SMYD1: variants seen among roughly 807,000 people sequenced by gnomAD.
The protein encoded by SMYD1 is SET and MYND domain containing 1, also known as histone-lysine N-methyltransferase SMYD1.
A neutral mutation model predicts 54.0 loss-of-function variants in SMYD1; 49 were observed. The ratio of observed to expected loss-of-function variants is 0.91; its 90% CI spans 0.72 to 1.15. SMYD1 has a LOEUF of 1.15. Among genes scored for constraint, SMYD1 ranks in the 50% most tolerant of loss-of-function variants. SMYD1 has a pLI of 0.00. For missense variants in SMYD1, 653 were observed against 639.6 expected (o/e 1.02, Z -0.23); for synonymous variants, 269 against 234.2 (o/e 1.15, Z -1.36).
intron 6 of SMYD1, 71 bp downstream of exon 6, chr2:88,096,855 G>A (rs1293285704): frequency 6.8e-7 from 1 of 1,480,100 alleles, no homozygotes; most frequent in Non-Finnish European, 9.2e-7. Flanking sequence ...TGGTTTCACA[G>A]CTAATCCGTG....
At position 88,107,738 on chromosome 2, in the gene SMYD1, G is replaced by A. The variant is rs757423945; in HGVS notation, c.1146-633G>A. 7.9e-5 allele frequency among the ~76,000 whole-genome samples: 12 copies of A among 152,222 alleles called. 1 individual carries two copies. The highest frequency in any genetic ancestry group is 6.3e-3 in the Middle Eastern group (2 of 316). ...AGGCTCCATGGGTGTAGGACCCTCCGAGCGAGGCGTGGGATATAATCTCCT... is the reference window on the plus strand; with the variant it reads ...AGGCTCCATGGGTGTAGGACCCTCCAAGCGAGGCGTGGGATATAATCTCCT... On this transcript the variant is annotated intron_variant, in intron 8 of 9. Transcript: ENST00000419482.
At chr2:88,083,387 A>T (rs191649549) in intron 1 of SMYD1, among the ~76,000 whole-genome samples, 2 of 152,106 alleles carry the variant, frequency 1.3e-5, no homozygotes, top group Admixed American at 1.3e-4. Flanking sequence ...CATGGGATAC[A>T]CGGGGCTCTC....
intron 2 of SMYD1, among the ~76,000 whole-genome samples, chr2:88,087,383 C>T (rs963309635): frequency 6.6e-6 from 1 of 152,142 alleles, no homozygotes; most frequent in African/African-American, 2.4e-5. Flanking sequence ...CTGCCCACAC[C>T]TCCACCTTTA....
intron 1 of SMYD1, among the ~76,000 whole-genome samples, chr2:88,071,692 G>C (rs975860440): frequency 6.6e-6 from 1 of 152,190 alleles, no homozygotes; most frequent in African/African-American, 2.4e-5. Context: ...CTTAGGTGTT[G>C]TGGTTGGGGG....
chr2:88,086,833 CT>C lies in SMYD1; in HGVS notation c.315-1016del, dbSNP rs531382481. 9.4e-3 allele frequency among the ~76,000 whole-genome samples: 1,357 copies of C among 144,426 alleles called. 9 individuals are homozygous for C. The highest frequency in any genetic ancestry group is 0.02 in the African/African-American group (811 of 39,742). 94.7% of individuals were successfully genotyped at this position (144,426 alleles called of 152,430 possible). ...TATCCTTATCTCTACCCATCCCTAT[CT>C]TTTTTTTTTTTTATTATACTTTAAG... On this transcript the variant is annotated intron_variant, in intron 2 of 9. Transcript: ENST00000419482.
intron 2 of SMYD1, among the ~76,000 whole-genome samples, chr2:88,086,638 G>C (rs1674333126): frequency 6.6e-6 from 1 of 152,138 alleles, no homozygotes; most frequent in Admixed American, 6.5e-5. Context: ...CGCTCACACT[G>C]TTTCCCGGCC....
chr2:88,086,592 C>G (rs975885601), intron 2 of SMYD1, among the ~76,000 whole-genome samples: 2 of 152,246 alleles, frequency 1.3e-5, no homozygotes, highest in African/African-American at 4.8e-5. Context: ...TCCCTGCTTC[C>G]TGCACGTGGC....
intron 7 of SMYD1, among the ~76,000 whole-genome samples, chr2:88,104,642 GCCACCTCGGGGTGGCCCCCA>G (rs1269343979): frequency 6.6e-6 from 1 of 152,084 alleles, no homozygotes. Context: ...TCCACTCCCC[GCCACCTCGGGGTGGCCCCCA>G]CCACCTCGGG....
intron 1 of SMYD1, 111 bp downstream of exon 1, chr2:88,068,112 T>G: frequency 2.1e-6 from 3 of 1,420,466 alleles, no homozygotes; most frequent in Non-Finnish European, 2.8e-6. Flanking sequence ...CATGTGCTCT[T>G]TTTTCAACAA....
chr2:88,072,231 A>G (rs1673964398), intron 1 of SMYD1, among the ~76,000 whole-genome samples: 1 of 149,522 alleles, frequency 6.7e-6, no homozygotes, highest in Non-Finnish European at 1.5e-5. Flanking sequence ...GCTCACTGCA[A>G]CCTCTGCCAC....
chr2:88,110,276 T>C, intron 9 of SMYD1, 78 bp from the exon 10 acceptor site: 1 of 1,464,162 alleles, frequency 6.8e-7, no homozygotes, highest in Non-Finnish European at 9.1e-7. Flanking sequence ...CTGGAAATAA[T>C]TTACCCCAAG....
At chr2:88,094,406 C>G (rs1482891730) in intron 5 of SMYD1, among the ~76,000 whole-genome samples, 3 of 152,110 alleles carry the variant, frequency 2.0e-5, no homozygotes, top group Admixed American at 1.3e-4. Context: ...GCTCAATTAG[C>G]TGAACTATGG....
chr2:88,096,619 G>T lies in SMYD1; in HGVS notation c.723G>T (p.Lys241Asn). The T allele has an allele frequency of 6.2e-7, 1 of 1,613,418 alleles. No homozygotes were observed. Among genetic ancestry groups the T allele is most frequent in the African/African-American group, 1.3e-5 (1 of 75,030 alleles). ...QMRIELRALG[K>N]ISEGEELTVS... ...GAATTGAGCTCCGGGCCCTAGGCAAGATCTCAGAAGGAGAGGAGCTGACTG... is the reference window on the plus strand; with the variant it reads ...GAATTGAGCTCCGGGCCCTAGGCAATATCTCAGAAGGAGAGGAGCTGACTG... Residue 241 changes from lysine (K) to asparagine (N), a missense_variant, in exon 6 of 10, where the codon AAG becomes AAT. Lys to Asn is a moderately conservative substitution (Grantham distance 94). Coordinates refer to ENST00000419482, the MANE Select transcript of SMYD1 (RefSeq NM_198274.4).
intron 1 of SMYD1, among the ~76,000 whole-genome samples, chr2:88,076,749 G>A (rs912274990): frequency 2.6e-5 from 4 of 151,904 alleles, no homozygotes; most frequent in African/African-American, 4.8e-5. Context: ...GCTTACGCCT[G>A]TAATCCCAGC....
intron 4 of SMYD1, among the ~76,000 whole-genome samples, chr2:88,092,486 A>G (rs1674484777): frequency 6.6e-6 from 1 of 152,116 alleles, no homozygotes; most frequent in South Asian, 2.1e-4. Flanking sequence ...TCCCCCAAAA[A>G]CTTCCTAGAA....
In SMYD1 at chr2:88,112,070, A is replaced by C; in HGVS notation, c.*1558A>C. 1.4e-6 allele frequency: 1 copy of C among 703,208 alleles called. No homozygotes were observed. Among genetic ancestry groups the C allele is most frequent in the Non-Finnish European group, 2.6e-6 (1 of 385,054 alleles). 43.6% of individuals were successfully genotyped at this position (703,208 alleles called of 1,614,324 possible). A position where few individuals can be genotyped will look rare whatever the true frequency, so the allele number is the denominator to read the frequency against. The stretch of plus-strand genomic sequence containing the variant: ...TGCAAAATACTTGTATCTGACACTT[A>C]GGTCTTGTTTGAAGAATTTCCTTTC... On this transcript the variant is annotated 3_prime_UTR_variant, in exon 10 of 10. Coordinates refer to ENST00000419482, the MANE Select transcript of SMYD1 (RefSeq NM_198274.4).
intron 5 of SMYD1, 92 bp downstream of exon 5, chr2:88,093,647 G>T: frequency 7.2e-7 from 1 of 1,384,818 alleles, no homozygotes; most frequent in Non-Finnish European, 1.0e-6. Context: ...AGACTTCTTG[G>T]CTGCCATCTG....
chr2:88,107,805 G>A (rs1218516107), intron 8 of SMYD1, among the ~76,000 whole-genome samples: 7 of 152,214 alleles, frequency 4.6e-5, no homozygotes, highest in African/African-American at 1.7e-4. Context: ...CGCAGTATTA[G>A]GGTGGGAGTG....
chr2:88,080,575 C>T (rs903981931), intron 1 of SMYD1, among the ~76,000 whole-genome samples: 5 of 152,244 alleles, frequency 3.3e-5, no homozygotes, highest in African/African-American at 7.2e-5. Context: ...ATTGTGCTTG[C>T]GTCTAACTGT....
Sources: allele counts gnomAD v4.1 joint callset (sites outside exome capture counted in the v4.1 genomes callset), GRCh38; gene constraint gnomAD v4.1.1; transcripts MANE v1.5; gene names NCBI Gene and HGNC (gene_info 2026-07-23, HGNC 2026-07-21).